Variants in RTN1 observed in about 807,000 individuals in gnomAD.
RTN1 encodes the protein reticulon 1, also known as reticulon-1.
In RTN1, 25 loss-of-function variants were observed where a neutral mutation model predicts 65.5. The ratio of observed to expected loss-of-function variants is 0.38; its 90% confidence interval spans 0.28 to 0.53. RTN1 has a LOEUF of 0.53. Ranked by LOEUF, RTN1 falls within the 20% of genes least tolerant of loss-of-function variation. The pLI, the probability that RTN1 is intolerant of heterozygous loss-of-function variation, is 0.79. For missense variants in RTN1, 983 were observed against 1,025.4 expected (o/e 0.96, Z 0.57); for synonymous variants, 471 against 447.6 (o/e 1.05, Z -0.66).
chr14:59,608,844 A>T (rs1881849991), intron 3 of RTN1, among the ~76,000 whole-genome samples: 1 of 152,186 alleles, frequency 6.6e-6, no homozygotes, highest in Non-Finnish European at 1.5e-5. Flanking sequence ...TTGGGGGTGA[A>T]ACAGATCTTT....
At chr14:59,679,075 T>C (rs1883689389) in intron 3 of RTN1, among the ~76,000 whole-genome samples, 1 of 152,186 alleles carries the variant, frequency 6.6e-6, no homozygotes, top group African/African-American at 2.4e-5. Context: ...TTGTGAGGGA[T>C]GACAGTGTCT....
chr14:59,679,349 G>T (rs1012853522), intron 3 of RTN1, among the ~76,000 whole-genome samples: 4 of 152,044 alleles, frequency 2.6e-5, no homozygotes, highest in Non-Finnish European at 5.9e-5. Context: ...TTTGACTTAG[G>T]TTTCATCTTT....
intron 1 of RTN1, among the ~76,000 whole-genome samples, chr14:59,869,607 G>T: frequency 6.7e-6 from 1 of 148,568 alleles, no homozygotes; most frequent in East Asian, 2.0e-4. Context: ...TAGACTGCTG[G>T]TAAACTGTAC....
At chr14:59,844,640 G>A (rs544275556) in intron 1 of RTN1, among the ~76,000 whole-genome samples, 3 of 152,278 alleles carry the variant, frequency 2.0e-5, no homozygotes, top group African/African-American at 7.2e-5. Flanking sequence ...GAGTTCTAGA[G>A]ATGGATGGTC....
At chr14:59,685,783 C>A (rs1883834484) in intron 3 of RTN1, among the ~76,000 whole-genome samples, 1 of 152,128 alleles carries the variant, frequency 6.6e-6, no homozygotes, top group Non-Finnish European at 1.5e-5. Context: ...GTCAAAATAC[C>A]AATGACCTTC....
intron 3 of RTN1, among the ~76,000 whole-genome samples, chr14:59,694,612 A>G (rs1435166976): frequency 6.6e-6 from 1 of 152,240 alleles, no homozygotes; most frequent in African/African-American, 2.4e-5. Flanking sequence ...AAAATGCTAT[A>G]TGGTGTCTTA....
At chr14:59,683,896 C>G (rs2140223467) in intron 3 of RTN1, among the ~76,000 whole-genome samples, 1 of 152,140 alleles carries the variant, frequency 6.6e-6, no homozygotes, top group African/African-American at 2.4e-5. Context: ...GAAGAGTACT[C>G]TGGTGTTTTG....
chr14:59,768,919 C>T (rs1030019523), intron 1 of RTN1, among the ~76,000 whole-genome samples: 1 of 152,136 alleles, frequency 6.6e-6, no homozygotes, highest in African/African-American at 2.4e-5. Context: ...AAGTCAGAGA[C>T]TTGAACAAGG....
Position 59,816,419 on chromosome 14 carries a change from G to T in RTN1, c.241+53971C>A, listed in dbSNP as rs1033208238. On this transcript the variant is annotated intron_variant, in intron 1 of 8. Transcript: ENST00000267484. This position sits in a 1 kb window ranked among gnomAD's most constrained non-coding sequence, Gnocchi z 4.3. ...TAATTGCCTGCCTTCTCCAATCCTC[G>T]GAGAGCTCCTAGGAAACAAGAATGG... Among the ~76,000 whole-genome samples the T allele has an allele frequency of 6.6e-6, 1 of 152,088 alleles. No individual in the cohort carries two copies. The highest frequency in any genetic ancestry group is 1.5e-5 in the Non-Finnish European group (1 of 68,030).
At chr14:59,738,693 C>T (rs1367220167) in intron 2 of RTN1, among the ~76,000 whole-genome samples, 1 of 152,204 alleles carries the variant, frequency 6.6e-6, no homozygotes, top group East Asian at 1.9e-4. Flanking sequence ...CATAAAGATA[C>T]AGGCACATGT....
In RTN1 at chr14:59,820,061, G is replaced by A. The variant is rs545945897; in HGVS notation, c.241+50329C>T. On this transcript the variant is annotated intron_variant, in intron 1 of 8. Coordinates refer to ENST00000267484, the MANE Select transcript of RTN1 (RefSeq NM_021136.3). ...TGGACGCCAAGGCCGAGGAGGCGCCGAGAGCGAGTGAGGGGTGCTAGCAAG... is the reference window on the plus strand; with the variant it reads ...TGGACGCCAAGGCCGAGGAGGCGCCAAGAGCGAGTGAGGGGTGCTAGCAAG... Among the ~76,000 whole-genome samples, 142 of 152,358 alleles carry A rather than the reference G, an allele frequency of 9.3e-4. 3 individuals are homozygous for A. The South Asian group carries it at 0.028, about 30-fold the overall frequency.
intron 3 of RTN1, among the ~76,000 whole-genome samples, chr14:59,684,159 C>G (rs1397016229): frequency 6.6e-6 from 1 of 151,964 alleles, no homozygotes; most frequent in Non-Finnish European, 1.5e-5. Context: ...ACTCTTCTAA[C>G]TTTTTTTATT....
At chr14:59,639,150 C>G (rs1427224113) in intron 3 of RTN1, among the ~76,000 whole-genome samples, 1 of 152,184 alleles carries the variant, frequency 6.6e-6, no homozygotes, top group Non-Finnish European at 1.5e-5. Context: ...GTTGGTTGAG[C>G]AGTCAGAACA....
rs114475257 is a variant in RTN1 at position 59,862,205 on chromosome 14, A to G, written c.241+8185T>C. ...TTTTACATTTATAATGTTACAGGCC[A>G]CTGTTCTTCCTTCCCCCTAAAAGCC... On this transcript the variant is annotated intron_variant, in intron 1 of 8. Transcript: ENST00000267484. 2.5e-3 allele frequency among the ~76,000 whole-genome samples: 386 copies of G among 152,294 alleles called. 1 individual carries two copies. Among genetic ancestry groups the G allele is most frequent in the African/African-American group, 9.0e-3 (374 of 41,552 alleles).
intron 3 of RTN1, among the ~76,000 whole-genome samples, chr14:59,677,307 C>T (rs1343530487): frequency 6.6e-6 from 1 of 152,204 alleles, no homozygotes; most frequent in Non-Finnish European, 1.5e-5. Flanking sequence ...GGCAGAGGCT[C>T]TCTCCATTTG....
chr14:59,688,993 A>G (rs1316076799), intron 3 of RTN1, among the ~76,000 whole-genome samples: 1 of 152,168 alleles, frequency 6.6e-6, no homozygotes, highest in Non-Finnish European at 1.5e-5. Context: ...CAGAAATGAC[A>G]CGTAAAGAAT....
At chr14:59,713,475 G>A (rs1884466212) in intron 3 of RTN1, among the ~76,000 whole-genome samples, 1 of 152,234 alleles carries the variant, frequency 6.6e-6, no homozygotes, top group Non-Finnish European at 1.5e-5. Flanking sequence ...TACATTTCCA[G>A]TGTAACTCAT....
intron 2 of RTN1, among the ~76,000 whole-genome samples, chr14:59,730,155 A>ATAAC (rs1248247907): frequency 6.6e-6 from 1 of 152,212 alleles, no homozygotes; most frequent in African/African-American, 2.4e-5. Context: ...CCTAGATGAT[A>ATAAC]TAACTACATG....
At chr14:59,842,697 C>G (rs1373139860) in intron 1 of RTN1, among the ~76,000 whole-genome samples, 1 of 152,180 alleles carries the variant, frequency 6.6e-6, no homozygotes, top group Non-Finnish European at 1.5e-5. Context: ...GTTTTAAACA[C>G]TTTCACAAAC....
Sources: allele counts gnomAD v4.1 joint callset (sites outside exome capture counted in the v4.1 genomes callset), GRCh38; gene constraint gnomAD v4.1.1; non-coding constraint Gnocchi (gnomAD v3.1); transcripts MANE v1.5; gene names NCBI Gene and HGNC (gene_info 2026-07-23, HGNC 2026-07-21).